Variants in GRK5 observed in about 807,000 individuals in gnomAD.
The protein encoded by GRK5 is G protein-coupled receptor kinase 5, also known as g protein-coupled receptor kinase GRK5.
Under a neutral mutation model 78.4 loss-of-function variants are expected in GRK5, and 40 were observed. The observed-to-expected ratio is 0.51, with a 90% confidence interval of 0.40 to 0.66. The LOEUF (loss-of-function observed/expected upper bound fraction) is 0.66, where lower values mean the gene tolerates loss of function less well. Among genes scored for constraint, GRK5 ranks in the 30% least tolerant of loss-of-function variants. The pLI is 0.00. For missense variants in GRK5, 598 were observed against 759.9 expected (o/e 0.79, Z 2.50); for synonymous variants, 289 against 296.8 (o/e 0.97, Z 0.27).
At chr10:119,346,368 A>T (rs1432494107) in intron 2 of GRK5, among the ~76,000 whole-genome samples, 2 of 152,216 alleles carry the variant, frequency 1.3e-5, no homozygotes, top group Admixed American at 6.5e-5. Context: ...ACACCTCCAC[A>T]GTCTACAGGG....
intron 1 of GRK5, among the ~76,000 whole-genome samples, chr10:119,321,909 A>T (rs550844451): frequency 6.9e-4 from 104 of 151,820 alleles, no homozygotes; most frequent in African/African-American, 2.4e-3. Context: ...ATCTCCCCCA[A>T]CCCCTGTTCT....
chr10:119,216,593 G>C (rs1848578109), intron 1 of GRK5, among the ~76,000 whole-genome samples: 1 of 152,230 alleles, frequency 6.6e-6, no homozygotes, highest in Non-Finnish European at 1.5e-5. Flanking sequence ...AGGATTGCTT[G>C]AGGCCAGGAG....
intron 2 of GRK5, among the ~76,000 whole-genome samples, chr10:119,352,244 G>A (rs1851196497): frequency 6.6e-6 from 1 of 152,116 alleles, no homozygotes; most frequent in Admixed American, 6.6e-5. Context: ...ATTCCACTAG[G>A]TGTCTCATGA....
At chr10:119,269,374 C>T (rs748711946) in intron 1 of GRK5, among the ~76,000 whole-genome samples, 12 of 152,112 alleles carry the variant, frequency 7.9e-5, no homozygotes, top group East Asian at 3.9e-4. Flanking sequence ...TTCCTGAGGA[C>T]GTCCTATAGT....
chr10:119,332,530 AG>A (rs1292327449), intron 2 of GRK5, among the ~76,000 whole-genome samples: 2 of 152,304 alleles, frequency 1.3e-5, no homozygotes, highest in East Asian at 1.9e-4. Flanking sequence ...ACATCATTGT[AG>A]GTTGTTGTCT....
chr10:119,277,264 G>C (rs549860916), intron 1 of GRK5, among the ~76,000 whole-genome samples: 1 of 152,238 alleles, frequency 6.6e-6, no homozygotes, highest in African/African-American at 2.4e-5. Context: ...GCTGGGTGGA[G>C]GCACCCAACA....
intron 2 of GRK5, among the ~76,000 whole-genome samples, chr10:119,347,767 G>A (rs555905953): frequency 4.6e-5 from 7 of 152,364 alleles, no homozygotes; most frequent in South Asian, 4.1e-4. Context: ...ACCAGTAGGC[G>A]TGTCTGCCTT....
intron 1 of GRK5, among the ~76,000 whole-genome samples, chr10:119,243,596 A>G (rs1193697448): frequency 1.5e-5 from 2 of 137,446 alleles, no homozygotes; most frequent in African/African-American, 2.8e-5. Flanking sequence ...TTCTGTCCCT[A>G]TCTCTCAGCT....
rs751637124 is a variant in GRK5, at chr10:119,431,556, G to A, written c.738+29G>A. The stretch of plus-strand genomic sequence containing the variant: ...AGTGAGCATCTGGGCCCAGTGACCG[G>A]CTCGCCCTTCTGTGGACTGGGGCTT... On this transcript the variant is annotated intron_variant, in intron 8 of 15. Transcript: ENST00000392870. The surrounding 1 kb of genome is among the most constrained non-coding windows in gnomAD (Gnocchi z 4.8). The A allele has an allele frequency of 1.2e-6, 2 of 1,604,688 alleles. No homozygotes were observed. Among genetic ancestry groups the A allele is most frequent in the Non-Finnish European group, 1.7e-6 (2 of 1,174,920 alleles).
chr10:119,357,033 G>A (rs77198120), intron 2 of GRK5, among the ~76,000 whole-genome samples: 1 of 152,230 alleles, frequency 6.6e-6, no homozygotes, highest in Non-Finnish European at 1.5e-5. Flanking sequence ...GCCCATGCTA[G>A]GGAAGAAAAA....
chr10:119,429,953 G>A (rs1037107731), intron 6 of GRK5, among the ~76,000 whole-genome samples: 10 of 152,068 alleles, frequency 6.6e-5, no homozygotes, highest in Admixed American at 5.9e-4. Flanking sequence ...GACCTCCTTC[G>A]CGTCCTTTGT....
intron 1 of GRK5, among the ~76,000 whole-genome samples, chr10:119,260,794 C>T (rs984741589): frequency 6.6e-6 from 1 of 151,154 alleles, no homozygotes; most frequent in Non-Finnish European, 1.5e-5. Flanking sequence ...AAAAGTCTCC[C>T]ATGTCTACTT....
At chr10:119,447,144 C>T (rs1853168373) in intron 12 of GRK5, among the ~76,000 whole-genome samples, 2 of 152,172 alleles carry the variant, frequency 1.3e-5, no homozygotes, top group South Asian at 4.1e-4. Flanking sequence ...TAGTCAAGGC[C>T]CCCTGCGCAG....
intron 1 of GRK5, among the ~76,000 whole-genome samples, chr10:119,224,113 C>A (rs1281756504): frequency 1.3e-5 from 2 of 152,142 alleles, no homozygotes; most frequent in East Asian, 3.9e-4. Context: ...ATGCACTGCA[C>A]TCCAGTGAAT....
In GRK5 at chr10:119,457,083, G is replaced by C. The variant is rs939565762; in HGVS notation, c.*2016G>C. On this transcript the variant is annotated 3_prime_UTR_variant, in exon 16 of 16. Coordinates refer to ENST00000392870, the MANE Select transcript of GRK5 (RefSeq NM_005308.3). ...GCAAAACAAATACAGCCACATTCAAGTCTTCCAAGGAAGTAGAAAACTCTT... is the reference window on the plus strand; with the variant it reads ...GCAAAACAAATACAGCCACATTCAACTCTTCCAAGGAAGTAGAAAACTCTT... 6.6e-6 allele frequency: 1 copy of C among 152,194 alleles called. No individual in the cohort carries two copies. The highest frequency in any genetic ancestry group is 1.5e-5 in the Non-Finnish European group (1 of 68,034). 9.4% of individuals were successfully genotyped at this position (152,194 alleles called of 1,614,324 possible).
At chr10:119,222,739 C>T (rs1157847341) in intron 1 of GRK5, among the ~76,000 whole-genome samples, 1 of 152,172 alleles carries the variant, frequency 6.6e-6, no homozygotes, top group Non-Finnish European at 1.5e-5. Flanking sequence ...TGAGCTAGCT[C>T]TACATGGGGA....
intron 13 of GRK5, among the ~76,000 whole-genome samples, chr10:119,450,916 C>T (rs371306666): frequency 6.6e-6 from 1 of 151,904 alleles, no homozygotes; most frequent in African/African-American, 2.4e-5. Flanking sequence ...GCCTTTTCCC[C>T]ACTGGCCCTC....
At chr10:119,242,775 TCTC>T (rs1849047106) in intron 1 of GRK5, among the ~76,000 whole-genome samples, 1 of 151,972 alleles carries the variant, frequency 6.6e-6, no homozygotes, top group South Asian at 2.1e-4. Flanking sequence ...GCTTGGCACT[TCTC>T]CTTCCTGCCA....
chr10:119,369,400 GAAGGTC>G (rs1403509873), intron 2 of GRK5, among the ~76,000 whole-genome samples: 2 of 152,270 alleles, frequency 1.3e-5, no homozygotes, highest in African/African-American at 2.4e-5. Context: ...CGGCTCACTG[GAAGGTC>G]CCGCCACAGG....
Sources: gnomAD v4.1 joint callset for allele counts (sites outside exome capture counted in the v4.1 genomes callset) on GRCh38, gnomAD v4.1.1 for gene constraint, Gnocchi (gnomAD v3.1) non-coding constraint, MANE v1.5 for transcripts, NCBI Gene and HGNC (gene_info 2026-07-23, HGNC 2026-07-21) for gene names.